Variants in MSL2 observed in about 807,000 individuals in gnomAD.
MSL2 encodes the protein E3 ubiquitin-protein ligase MSL2.
In MSL2, 2 loss-of-function variants were observed where a neutral mutation model predicts 35.8. The ratio of observed to expected loss-of-function variants is 0.06; its 90% CI spans 0.02 to 0.18. MSL2 has a LOEUF of 0.18. Ranked by LOEUF, MSL2 falls within the 10% of genes least tolerant of loss-of-function variation. The probability of loss-of-function intolerance (pLI) is 1.00; values close to 1 mark genes in which losing one functional copy is unlikely to be tolerated. For missense variants in MSL2, 523 were observed against 706.7 expected, an observed-to-expected ratio of 0.74 and a Z score of 2.95; for synonymous variants, 296 against 255.7, an observed-to-expected ratio of 1.16 and a Z score of -1.50.
At chr3:136,188,966 T>C (rs1940600976) in intron 1 of MSL2, among the ~76,000 whole-genome samples, 1 of 151,666 alleles carries the variant, frequency 6.6e-6, no homozygotes, top group African/African-American at 2.4e-5. Context: ...TAGGGAGTCC[T>C]TTCCCTAAAG....
rs554705994 is a variant in MSL2 at position 136,151,922 on chromosome 3, CTGG to C, written c.956_958del (p.Thr319del). The C allele has an allele frequency of 5.3e-4, 852 of 1,614,160 alleles. 2 individuals are homozygous for C. The highest frequency in any genetic ancestry group is 1.7e-3 in the South Asian group (151 of 91,080). On this transcript the variant is annotated inframe_deletion, in exon 2 of 2. Transcript: ENST00000309993. The surrounding 1 kb of genome is among the most constrained non-coding windows in gnomAD (Gnocchi z 5.2). Reference sequence around the variant, plus strand: ...ACATGATAACCCATGAAGTGCAGGACTGGTGGACATAAAAACATTATGGCTAAG... The same window carrying C: ...ACATGATAACCCATGAAGTGCAGGACTGGACATAAAAACATTATGGCTAAG...
chr3:136,157,283 A>ATCACCTGAGGTCAGGAAGGCGGGCCG (rs1559958133), intron 1 of MSL2, among the ~76,000 whole-genome samples: 1,518 of 135,300 alleles, frequency 0.011, 334 homozygotes, highest in Non-Finnish European at 0.014. Flanking sequence ...AAGGCGGGCC[A>ATCACCTGAGGTCAGGAAGGCGGGCCG]ATCACCTGAG....
In MSL2 at chr3:136,195,917, C is replaced by T; in HGVS notation, c.-804G>A. 3 of 711,716 alleles carry T rather than the reference C, an allele frequency of 4.2e-6. No individual in the cohort carries two copies. The highest frequency in any genetic ancestry group is 2.0e-5 in the African/African-American group (1 of 50,756). 44.1% of individuals were successfully genotyped at this position (711,716 alleles called of 1,614,324 possible). A position where few individuals can be genotyped will look rare whatever the true frequency, so the allele number is the denominator to read the frequency against. ...CCGGGCCGCGGCGGCGCCCCTCGCG[C>T]CTCAGTCGCACACTCCGGGGTCACC... On this transcript the variant is annotated 5_prime_UTR_variant, in exon 1 of 2. Transcript: ENST00000309993.
chr3:136,195,713 G>A lies in MSL2; in HGVS notation c.-600C>T, dbSNP rs945056894. ...GTTGCGGCTGGCGGACGCCGCCGCCGCGCTCTCCATATCGGACGCGGGGCC... is the reference window on the plus strand; with the variant it reads ...GTTGCGGCTGGCGGACGCCGCCGCCACGCTCTCCATATCGGACGCGGGGCC... On this transcript the variant is annotated 5_prime_UTR_variant, in exon 1 of 2. Transcript: ENST00000309993. The A allele has an allele frequency of 1.5e-4, 152 of 984,894 alleles. No individual in the cohort carries two copies. The African/African-American group carries it at 2.6e-3, about 17-fold the overall frequency. The allele number at this position is 984,894 out of a possible 1,614,324, so 61.0% of individuals were successfully genotyped here. A position where few individuals can be genotyped will look rare whatever the true frequency, so the allele number is the denominator to read the frequency against.
intron 1 of MSL2, among the ~76,000 whole-genome samples, chr3:136,158,306 A>G (rs1939590524): frequency 6.6e-6 from 1 of 151,712 alleles, no homozygotes; most frequent in Non-Finnish European, 1.5e-5. Flanking sequence ...AATCATCTCA[A>G]AAAAATTAAA....
chr3:136,153,987 G>A (rs1327607605), intron 1 of MSL2, among the ~76,000 whole-genome samples: 1 of 151,984 alleles, frequency 6.6e-6, no homozygotes, highest in Non-Finnish European at 1.5e-5. Context: ...GGAGGCTGAG[G>A]CAGGAGAATC....
intron 1 of MSL2, among the ~76,000 whole-genome samples, chr3:136,168,294 T>A (rs966435514): frequency 6.6e-6 from 1 of 151,962 alleles, no homozygotes; most frequent in Admixed American, 6.6e-5. Context: ...TAAAATGGGA[T>A]AACAACAGTC....
rs1939343731 is a variant in MSL2 at position 136,150,947 on chromosome 3, A to G, written c.*200T>C. The G allele has an allele frequency of 1.7e-6, 1 of 572,554 alleles. No homozygotes were observed. Among genetic ancestry groups the G allele is most frequent in the African/African-American group, 1.9e-5 (1 of 53,708 alleles). 35.5% of individuals were successfully genotyped at this position (572,554 alleles called of 1,614,324 possible). ...CAAACTATGAGGTTCTGTAAGAACT[A>G]AGGACATATAGTTGTAGGGTTACTC... is the stretch of plus-strand genomic sequence containing the variant. On this transcript the variant is annotated 3_prime_UTR_variant, in exon 2 of 2. Coordinates refer to ENST00000309993, the MANE Select transcript of MSL2 (RefSeq NM_018133.4).
intron 1 of MSL2, among the ~76,000 whole-genome samples, chr3:136,180,796 G>GGAAGGAAGGAA (rs1559969247): frequency 1.2e-4 from 5 of 42,812 alleles, no homozygotes; most frequent in Admixed American, 2.9e-4. Context: ...GAGGGAGGGA[G>GGAAGGAAGGAA]GGAGGGAGGG....
At chr3:136,154,978 G>A (rs982749884) in intron 1 of MSL2, among the ~76,000 whole-genome samples, 2 of 152,164 alleles carry the variant, frequency 1.3e-5, no homozygotes, top group Non-Finnish European at 2.9e-5. Flanking sequence ...GGGAGGCCGA[G>A]GTAGGCAGAT....
chr3:136,188,797 G>C (rs560392540), intron 1 of MSL2, among the ~76,000 whole-genome samples: 1 of 149,700 alleles, frequency 6.7e-6, no homozygotes, highest in African/African-American at 2.5e-5. Flanking sequence ...ACACCTACCA[G>C]ATCTTACCAG....
At position 136,151,046 on chromosome 3, in the gene MSL2, T is replaced by C. The variant is rs1360214837; in HGVS notation, c.*101A>G. 1 of 1,263,698 alleles carries C rather than the reference T, an allele frequency of 7.9e-7. No individual in the cohort carries two copies. Among genetic ancestry groups the C allele is most frequent in the Non-Finnish European group, 1.1e-6 (1 of 897,758 alleles). 78.3% of individuals were successfully genotyped at this position (1,263,698 alleles called of 1,614,324 possible). ...CAATGAAAACACTTGATACAAGTGA[T>C]CTATATGCAGGAGCTCCGGCAAGTT... On this transcript the variant is annotated 3_prime_UTR_variant, in exon 2 of 2. Transcript: ENST00000309993. This position sits in a 1 kb window ranked among gnomAD's most constrained non-coding sequence, Gnocchi z 5.2.
intron 1 of MSL2, among the ~76,000 whole-genome samples, chr3:136,187,472 G>A (rs1940557371): frequency 6.6e-6 from 1 of 151,896 alleles, no homozygotes; most frequent in African/African-American, 2.4e-5. Context: ...AGACCAGCCT[G>A]GCCAACATGG....
intron 1 of MSL2, among the ~76,000 whole-genome samples, chr3:136,179,903 T>TA (rs1248216014): frequency 1.3e-4 from 20 of 152,114 alleles, no homozygotes; most frequent in African/African-American, 4.1e-4. Context: ...CCACCTCTAC[T>TA]AAAAATACAA....
intron 1 of MSL2, among the ~76,000 whole-genome samples, chr3:136,179,447 G>A (rs149146220): frequency 6.6e-6 from 1 of 152,308 alleles, no homozygotes; most frequent in Non-Finnish European, 1.5e-5. Context: ...CATCTCAAGT[G>A]CTGGGATTAC....
intron 1 of MSL2, among the ~76,000 whole-genome samples, chr3:136,188,141 A>C (rs950133834): frequency 6.6e-6 from 1 of 151,966 alleles, no homozygotes; most frequent in African/African-American, 2.4e-5. Context: ...CCTTACTTAA[A>C]AATGTCCACT....
intron 1 of MSL2, chr3:136,194,703 C>A: frequency 7.0e-6 from 3 of 427,258 alleles, no homozygotes; most frequent in Non-Finnish European, 7.9e-6. Flanking sequence ...CTTACCCCCA[C>A]TTAAACCACC....
chr3:136,170,782 C>G (rs112070694), intron 1 of MSL2, among the ~76,000 whole-genome samples: 5 of 152,042 alleles, frequency 3.3e-5, no homozygotes, highest in African/African-American at 9.7e-5. Flanking sequence ...GGATTACAGG[C>G]GTGAGCCACT....
chr3:136,152,678 T>A lies in MSL2; in HGVS notation c.203A>T (p.Lys68Ile), dbSNP rs1306611794. The A allele has an allele frequency of 6.2e-7, 1 of 1,614,202 alleles. No homozygotes were observed. Among genetic ancestry groups the A allele is most frequent in the Non-Finnish European group, 8.5e-7 (1 of 1,180,038 alleles). Residue 68 changes from lysine (K) to isoleucine (I), a missense_variant, in exon 2 of 2, where the codon AAA (lysine) becomes ATA (isoleucine). Physicochemically the swap from Lys to Ile is moderately radical, Grantham distance 102. Transcript: ENST00000309993. ...TNSTCQHYVC[K>I]TCKGKKMMMK... ...CATCATTTTCTTGCCTTTACAAGTT[T>A]TGCAGACATAATGTTGGCAGGTGGA...
Sources: gnomAD v4.1 joint callset for allele counts (sites outside exome capture counted in the v4.1 genomes callset) on GRCh38, gnomAD v4.1.1 for gene constraint, Gnocchi (gnomAD v3.1) non-coding constraint, MANE v1.5 for transcripts, NCBI Gene and HGNC (gene_info 2026-07-23, HGNC 2026-07-21) for gene names.